Variants in EIF3CL observed in about 807,000 individuals in gnomAD.
EIF3CL encodes the protein eukaryotic translation initiation factor 3 subunit C-like protein.
For synonymous variants in EIF3CL, 2 were observed against 19.6 expected (o/e 0.10, Z 2.37); for missense variants, 5 against 56.1 (o/e 0.09, Z 2.91).
At chr16:28,414,949 G>T in the EIF3CL span, 2 of 503,278 alleles carry the variant, frequency 4.0e-6, no homozygotes, top group Non-Finnish European at 8.0e-6. Context: ...GCCAAGGAGG[G>T]AGAGGAGGAG....
At chr16:28,417,175 C>G in the EIF3CL span, among the ~76,000 whole-genome samples, 3 of 144,636 alleles carry the variant, frequency 2.1e-5, no homozygotes, top group African/African-American at 7.9e-5. Context: ...CCAGCCGCCC[C>G]GTCCGGGAGG....
At chr16:28,417,190 T>TG in the EIF3CL span, among the ~76,000 whole-genome samples, 361 of 132,490 alleles carry the variant, frequency 2.7e-3, 2 homozygotes, top group African/African-American at 8.7e-3. Context: ...GGGAGGGAGG[T>TG]GGGGGGGGTC....
the EIF3CL span, among the ~76,000 whole-genome samples, chr16:28,419,093 A>T: frequency 1.6e-5 from 2 of 123,358 alleles, no homozygotes; most frequent in Non-Finnish European, 3.7e-5. Context: ...TGCAACCTCT[A>T]CCTCCTGGGT....
At chr16:28,415,809 TCC>T in the EIF3CL span, among the ~76,000 whole-genome samples, 1 of 77,750 alleles carries the variant, frequency 1.3e-5, no homozygotes, top group Admixed American at 1.4e-4. Context: ...CCTCTCCCTC[TCC>T]CTCTTCCTCT....
chr16:28,416,769 C>A, the EIF3CL span, among the ~76,000 whole-genome samples: 2 of 115,002 alleles, frequency 1.7e-5, no homozygotes, highest in East Asian at 2.8e-4. Flanking sequence ...GGGGTCAGCC[C>A]CCCCACCCGG....
the EIF3CL span, among the ~76,000 whole-genome samples, chr16:28,415,504 C>T: frequency 3.1e-4 from 43 of 139,890 alleles, 2 homozygotes; most frequent in Middle Eastern, 3.4e-3. Flanking sequence ...AATCCCAGCA[C>T]GCTGGGAGGC....
At chr16:28,417,555 C>T in the EIF3CL span, among the ~76,000 whole-genome samples, 30 of 110,494 alleles carry the variant, frequency 2.7e-4, no homozygotes, top group Admixed American at 1.6e-3. Context: ...GCTGTGTCCA[C>T]TCAGGGTTAA....
upstream of EIF3CL, among the ~76,000 whole-genome samples, chr16:28,406,245 ATG>A (rs1555464644): frequency 5.3e-5 from 1 of 18,698 alleles, no homozygotes; most frequent in Admixed American, 5.5e-4. Context: ...GTATATATAT[ATG>A]TGTGTGTGTA....
chr16:28,415,239 A>C, the EIF3CL span, among the ~76,000 whole-genome samples: 5 of 89,714 alleles, frequency 5.6e-5, 1 homozygote, highest in Non-Finnish European at 1.1e-4. Flanking sequence ...GAGTCAAGGG[A>C]CTTCACTGCC....
At chr16:28,416,790 C>G in the EIF3CL span, among the ~76,000 whole-genome samples, 1 of 100,484 alleles carries the variant, frequency 1.0e-5, no homozygotes, top group Non-Finnish European at 2.2e-5. Context: ...CCAGCCGCCC[C>G]GTCCGGGAGG....
intron 15 of EIF3CL, among the ~76,000 whole-genome samples, chr16:28,385,408 T>C (rs2045595769): frequency 8.2e-6 from 1 of 121,940 alleles, no homozygotes; most frequent in Non-Finnish European, 1.8e-5. Flanking sequence ...TCGTGGCTCC[T>C]GCAGCCTCGA....
At chr16:28,418,934 G>A in the EIF3CL span, among the ~76,000 whole-genome samples, 1 of 147,566 alleles carries the variant, frequency 6.8e-6, no homozygotes, top group Non-Finnish European at 1.5e-5. Context: ...CTGGCCCCTT[G>A]CAAGTCTTTG....
At chr16:28,381,662 AG>A (rs1267806645) in intron 16 of EIF3CL, among the ~76,000 whole-genome samples, 1 of 66,230 alleles carries the variant, frequency 1.5e-5, no homozygotes, top group Admixed American at 1.6e-4. Context: ...AAGACAAGCC[AG>A]GAAGGTAAGA....
chr16:28,403,104 C>T (rs1374418481), intron 2 of EIF3CL, among the ~76,000 whole-genome samples: 2 of 144,270 alleles, frequency 1.4e-5, no homozygotes, highest in Non-Finnish European at 3.1e-5. Context: ...TAAGCACCTG[C>T]GTACACAGCA....
chr16:28,418,113 A>T, the EIF3CL span, among the ~76,000 whole-genome samples: 2 of 150,094 alleles, frequency 1.3e-5, no homozygotes, highest in Admixed American at 6.6e-5. Context: ...GGGGTAAAAA[A>T]CCCAAACCAT....
At chr16:28,424,043 A>G in the EIF3CL span, among the ~76,000 whole-genome samples, 1 of 146,906 alleles carries the variant, frequency 6.8e-6, no homozygotes, top group Admixed American at 7.0e-5. Flanking sequence ...GCTGGAGTGC[A>G]GTGGTGTGAT....
At chr16:28,422,045 G>C in the EIF3CL span, among the ~76,000 whole-genome samples, 1 of 77,150 alleles carries the variant, frequency 1.3e-5, no homozygotes, top group Non-Finnish European at 2.8e-5. Context: ...GTATAAGGCA[G>C]CTTGACATCG....
chr16:28,414,772 G>T, the EIF3CL span: 1 of 435,204 alleles, frequency 2.3e-6, no homozygotes, highest in Non-Finnish European at 4.6e-6. Flanking sequence ...GCTTGGCCCT[G>T]GTGGCCTGGA....
the EIF3CL span, chr16:28,414,998 G>A: frequency 4.2e-6 from 2 of 476,438 alleles, no homozygotes; most frequent in Non-Finnish European, 8.4e-6. Flanking sequence ...TCCCAAGACA[G>A]GCGGGGATGT....
Sources: gnomAD v4.1 joint callset for allele counts (sites outside exome capture counted in the v4.1 genomes callset) on GRCh38, gnomAD v4.1.1 for gene constraint, MANE v1.5 for transcripts, NCBI Gene and HGNC (gene_info 2026-07-23, HGNC 2026-07-21) for gene names.